Variants in PODXL2 observed in about 807,000 individuals in gnomAD.
The protein encoded by PODXL2 is podocalyxin like 2, also known as podocalyxin-like protein 2.
A neutral mutation model predicts 53.4 loss-of-function variants in PODXL2; 17 were observed. The observed-to-expected ratio is 0.32, with a 90% CI of 0.22 to 0.48. The LOEUF (loss-of-function observed/expected upper bound fraction) is 0.48, where lower values mean the gene tolerates loss of function less well. Among genes scored for constraint, PODXL2 ranks in the 20% least tolerant of loss-of-function variants. PODXL2 has a pLI of 0.99. For missense variants in PODXL2, 673 were observed against 760.0 expected, an observed-to-expected ratio of 0.89 and a Z score of 1.35; for synonymous variants, 311 against 306.7, an observed-to-expected ratio of 1.01 and a Z score of -0.15.
intron 6 of PODXL2, among the ~76,000 whole-genome samples, chr3:127,670,204 A>G (rs1021157961): frequency 2.6e-5 from 4 of 152,250 alleles, no homozygotes; most frequent in African/African-American, 4.8e-5. Context: ...TTGAGTACCA[A>G]TGGTGTCCCC....
chr3:127,667,800 G>A (rs2074803338), intron 4 of PODXL2, among the ~76,000 whole-genome samples: 4 of 152,174 alleles, frequency 2.6e-5, no homozygotes, highest in Admixed American at 2.6e-4. Flanking sequence ...TCCCATCTCT[G>A]TGTTTGCTCT....
chr3:127,644,402 G>A (rs1290639180), intron 2 of PODXL2, among the ~76,000 whole-genome samples: 1 of 152,174 alleles, frequency 6.6e-6, no homozygotes, highest in Non-Finnish European at 1.5e-5. Context: ...CGCTGTGCCT[G>A]GCCAAGGAAT....
intron 2 of PODXL2, among the ~76,000 whole-genome samples, chr3:127,658,153 G>T (rs2074737667): frequency 6.6e-6 from 1 of 152,158 alleles, no homozygotes; most frequent in South Asian, 2.1e-4. Context: ...CTAATTAACA[G>T]AAGTGGACTG....
chr3:127,661,603 A>T (rs893517341), intron 3 of PODXL2, among the ~76,000 whole-genome samples: 1 of 151,940 alleles, frequency 6.6e-6, no homozygotes, highest in Non-Finnish European at 1.5e-5. Flanking sequence ...TGCCTGGCTA[A>T]TTTTTGTATT....
At chr3:127,650,295 C>T (rs2074680309) in intron 2 of PODXL2, among the ~76,000 whole-genome samples, 2 of 152,154 alleles carry the variant, frequency 1.3e-5, no homozygotes, top group Non-Finnish European at 2.9e-5. Context: ...CTATACAGAA[C>T]TGTGATGAAA....
At chr3:127,660,090 A>G (rs947432117) in intron 2 of PODXL2, among the ~76,000 whole-genome samples, 1 of 152,230 alleles carries the variant, frequency 6.6e-6, no homozygotes, top group African/African-American at 2.4e-5. Context: ...TATATACCTC[A>G]AACTACTCAT....
Position 127,669,187 on chromosome 3 carries a change from C to T in PODXL2, c.1410C>T (p.Arg470=). Residue 470 remains arginine, a synonymous_variant, in exon 6 of 8, where the codon CGC becomes CGT. Coordinates refer to ENST00000342480, the MANE Select transcript of PODXL2 (RefSeq NM_015720.4). ...QDVLSMLGDI[R]RSLEEIGIQN... Reference sequence around the variant, plus strand: ...TCCTTTCCATGCTGGGTGACATCCGCAGGAGCCTGGAGGAGGTAAGAGTGC... The same window carrying T: ...TCCTTTCCATGCTGGGTGACATCCGTAGGAGCCTGGAGGAGGTAAGAGTGC... The T allele has an allele frequency of 6.2e-7, 1 of 1,607,612 alleles. No homozygotes were observed. The highest frequency in any genetic ancestry group is 8.5e-7 in the Non-Finnish European group (1 of 1,177,378).
chr3:127,656,692 G>A (rs4544568), intron 2 of PODXL2, among the ~76,000 whole-genome samples: 44,438 of 133,654 alleles, frequency 0.33, 7,803 homozygotes, highest in Middle Eastern at 0.53. Context: ...CCAAGATCGC[G>A]CCACTGCACT....
At chr3:127,634,039 G>A (rs2074563267) in intron 1 of PODXL2, among the ~76,000 whole-genome samples, 1 of 152,174 alleles carries the variant, frequency 6.6e-6, no homozygotes, top group Non-Finnish European at 1.5e-5. Context: ...TGCAGAGAGG[G>A]GAGGGGAGGT....
rs750748107 is a variant in PODXL2, at chr3:127,660,961, A to T, written c.933A>T (p.Gln311His). Residue 311 changes from glutamine to histidine, a missense_variant, in exon 3 of 8, where the codon CAA becomes CAT. By Grantham distance (24) the Gln-to-His change is conservative. Around this residue, in one of 3 missense-constraint regions of PODXL2, gnomAD observed 588 missense variants for 668.3 expected, o/e 0.88. Transcript: ENST00000342480. ...TGCCGGCCTTGCCTTCATTCCCTCA[A>T]ACCACAGCTCCCAGTGGGGCCGAGC... Reference protein sequence around the residue: ...EEVPALPSFPQTTAPSGAEHP... With the variant: ...EEVPALPSFPHTTAPSGAEHP... 6.2e-7 allele frequency: 1 copy of T among 1,611,892 alleles called. No individual in the cohort carries two copies. The highest frequency in any genetic ancestry group is 1.1e-5 in the South Asian group (1 of 91,054).
At chr3:127,664,164 C>A (rs968578464) in intron 4 of PODXL2, among the ~76,000 whole-genome samples, 1 of 152,104 alleles carries the variant, frequency 6.6e-6, no homozygotes, top group Non-Finnish European at 1.5e-5. Context: ...CGGCACCCAC[C>A]ATTCTCCTTG....
chr3:127,643,438 G>A (rs1429258982), intron 2 of PODXL2, among the ~76,000 whole-genome samples: 1 of 151,960 alleles, frequency 6.6e-6, no homozygotes, highest in East Asian at 1.9e-4. Flanking sequence ...TCAAACTCCT[G>A]ATCTCAAGTG....
chr3:127,645,743 G>A (rs1183122276), intron 2 of PODXL2, among the ~76,000 whole-genome samples: 1 of 152,234 alleles, frequency 6.6e-6, no homozygotes, highest in African/African-American at 2.4e-5. Context: ...TGGCTAAGGT[G>A]GCAGGCTGAC....
At chr3:127,649,420 G>A (rs1195214397) in intron 2 of PODXL2, among the ~76,000 whole-genome samples, 36 of 152,224 alleles carry the variant, frequency 2.4e-4, no homozygotes, top group Non-Finnish European at 4.7e-4. Context: ...TTCCAGAAGT[G>A]AGATTGTAGG....
In PODXL2 at chr3:127,671,508, G is replaced by A. The variant is rs116624783; in HGVS notation, c.1500G>A (p.Thr500=). The A allele has an allele frequency of 1.1e-3, 1,818 of 1,614,112 alleles. 19 individuals are homozygous for A. In the African/African-American group the frequency reaches 0.022, roughly 19 times the overall value. ...RASQVRSDYG[T]LFVVLVVIGA... ...GCCAGGTGCGCAGCGACTACGGCAC[G>A]CTCTTCGTGGTGCTGGTGGTCATTG... Residue 500 remains threonine (T), a synonymous_variant, in exon 7 of 8, where the codon ACG becomes ACA. Transcript: ENST00000342480.
chr3:127,633,501 TGG>T (rs34846376), intron 1 of PODXL2, among the ~76,000 whole-genome samples: 8 of 134,006 alleles, frequency 6.0e-5, no homozygotes, highest in Admixed American at 2.3e-4. Flanking sequence ...TGTGTGTGTG[TGG>T]GAGAAACCAG....
intron 2 of PODXL2, among the ~76,000 whole-genome samples, chr3:127,651,668 G>A (rs555708639): frequency 6.8e-4 from 103 of 152,362 alleles, no homozygotes; most frequent in Non-Finnish European, 1.2e-3. Context: ...GTCCCTTCCC[G>A]TGTTAGGACC....
At chr3:127,664,768 A>G (rs998198215) in intron 4 of PODXL2, among the ~76,000 whole-genome samples, 8 of 151,880 alleles carry the variant, frequency 5.3e-5, no homozygotes, top group Non-Finnish European at 1.2e-4. Flanking sequence ...AAAACCCGCA[A>G]TTACCTTTGC....
chr3:127,647,607 C>G lies in PODXL2; in HGVS notation c.349+8084C>G, dbSNP rs549245120. The stretch of plus-strand genomic sequence containing the variant: ...CAGGAACAGGCTTCCAGCTCCAGCA[C>G]TCGGCGTGCCGCCCTCAACGTGCTG... On this transcript the variant is annotated intron_variant, in intron 2 of 7. Transcript: ENST00000342480. 2.4e-3 allele frequency among the ~76,000 whole-genome samples: 366 copies of G among 152,358 alleles called. 2 individuals carry two copies. Among genetic ancestry groups the G allele is most frequent in the African/African-American group, 8.4e-3 (351 of 41,592 alleles).
Sources: gnomAD v4.1 joint callset for allele counts (sites outside exome capture counted in the v4.1 genomes callset) on GRCh38, gnomAD v4.1.1 for gene constraint, gnomAD v4.1.1 regional missense constraint, MANE v1.5 for transcripts, NCBI Gene and HGNC (gene_info 2026-07-23, HGNC 2026-07-21) for gene names.